The following CRPPA variants were observed in gnomAD, a reference collection of about 807,000 sequenced individuals.
CRPPA encodes D-ribitol-5-phosphate cytidylyltransferase.
A neutral mutation model predicts 52.0 loss-of-function variants in CRPPA; 43 were observed. That is an observed-to-expected ratio of 0.83 (90% confidence interval 0.65 to 1.07). The LOEUF (loss-of-function observed/expected upper bound fraction) is 1.07, where lower values mean the gene tolerates loss of function less well. Among genes scored for constraint, CRPPA ranks in the 50% least tolerant of loss-of-function variants. The pLI is 0.00. For missense variants in CRPPA, 629 were observed against 551.7 expected (o/e 1.14, Z -1.40); for synonymous variants, 250 against 203.5 (o/e 1.23, Z -1.94).
In CRPPA at chr7:16,216,041, T is replaced by G. The variant is rs775581813; in HGVS notation, c.1251+25A>C. The G allele has an allele frequency of 7.8e-6, 12 of 1,546,154 alleles. No homozygotes were observed. In the East Asian group the frequency reaches 2.3e-4, roughly 29 times the overall value. The stretch of plus-strand genomic sequence containing the variant: ...TTAAAACTAGTCTACAGAACATACA[T>G]TCGGAAGATAAACATTTTACCTACC... On this transcript the variant is annotated intron_variant, in intron 9 of 9. Transcript: ENST00000407010.
intron 9 of CRPPA, among the ~76,000 whole-genome samples, chr7:16,194,685 G>A (rs1038355673): frequency 6.6e-6 from 1 of 152,074 alleles, no homozygotes; most frequent in Non-Finnish European, 1.5e-5. Context: ...TTGAATTGCA[G>A]TGTATAAATT....
At chr7:16,327,042 G>C (rs964988779) in intron 3 of CRPPA, among the ~76,000 whole-genome samples, 5 of 152,104 alleles carry the variant, frequency 3.3e-5, no homozygotes, top group Admixed American at 1.3e-4. Context: ...AGTAAGACAT[G>C]CTAGCTCGTT....
chr7:16,385,513 C>G (rs1787237486), intron 2 of CRPPA, among the ~76,000 whole-genome samples: 1 of 152,140 alleles, frequency 6.6e-6, no homozygotes, highest in Non-Finnish European at 1.5e-5. Flanking sequence ...AAAAATATCT[C>G]ATATCCAGCA....
At chr7:16,201,697 G>C (rs1188074885) in intron 9 of CRPPA, among the ~76,000 whole-genome samples, 1 of 152,134 alleles carries the variant, frequency 6.6e-6, no homozygotes, top group Admixed American at 6.5e-5. Context: ...CTGAGCTGCA[G>C]GGCAGTGGGA....
chr7:16,219,258 C>A (rs1446242944), intron 8 of CRPPA, among the ~76,000 whole-genome samples: 1 of 150,708 alleles, frequency 6.6e-6, no homozygotes, highest in African/African-American at 2.4e-5. Flanking sequence ...AACAAAGACA[C>A]AACATACCAG....
chr7:16,224,791 A>T (rs1214176033), intron 8 of CRPPA, among the ~76,000 whole-genome samples: 2 of 152,164 alleles, frequency 1.3e-5, no homozygotes, highest in Non-Finnish European at 2.9e-5. Context: ...AGATTTTAGA[A>T]AAACTATCTT....
At chr7:16,264,522 A>G (rs1453354941) in intron 6 of CRPPA, among the ~76,000 whole-genome samples, 1 of 152,204 alleles carries the variant, frequency 6.6e-6, no homozygotes, top group Non-Finnish European at 1.5e-5. Context: ...TTGTCAAAAA[A>G]GTTTTCATCT....
At chr7:16,280,441 CT>C (rs1195082117) in intron 5 of CRPPA, among the ~76,000 whole-genome samples, 1 of 152,152 alleles carries the variant, frequency 6.6e-6, no homozygotes, top group Non-Finnish European at 1.5e-5. Context: ...CTGAAAGCTC[CT>C]CATGAAAACA....
At chr7:16,329,049 C>G (rs904981507) in intron 3 of CRPPA, among the ~76,000 whole-genome samples, 2 of 152,118 alleles carry the variant, frequency 1.3e-5, no homozygotes, top group African/African-American at 4.8e-5. Flanking sequence ...ATTCATGAAA[C>G]TAGAAATCTT....
intron 4 of CRPPA, among the ~76,000 whole-genome samples, chr7:16,304,205 G>A (rs1784855833): frequency 1.3e-5 from 2 of 151,994 alleles, no homozygotes; most frequent in Admixed American, 1.3e-4. Flanking sequence ...ACTACTCCAG[G>A]AAAGCATGAC....
At chr7:16,118,881 C>T (rs1161208195) in intron 9 of CRPPA, among the ~76,000 whole-genome samples, 2 of 152,102 alleles carry the variant, frequency 1.3e-5, no homozygotes, top group Admixed American at 6.6e-5. Flanking sequence ...TTTAGGGATA[C>T]GAAGCCTGGG....
chr7:16,248,226 C>G (rs1483290786), intron 8 of CRPPA: 2 of 152,130 alleles, frequency 1.3e-5, no homozygotes, highest in Non-Finnish European at 2.9e-5. Flanking sequence ...GTAGCCTCAG[C>G]TACTCAAGTG....
intron 2 of CRPPA, among the ~76,000 whole-genome samples, chr7:16,383,367 G>A (rs1787165088): frequency 6.6e-6 from 1 of 152,192 alleles, no homozygotes; most frequent in Non-Finnish European, 1.5e-5. Context: ...TGTCTCAGAG[G>A]AGTACCCGGC....
intron 6 of CRPPA, among the ~76,000 whole-genome samples, chr7:16,271,881 G>A (rs1452463829): frequency 6.6e-6 from 1 of 152,070 alleles, no homozygotes; most frequent in Non-Finnish European, 1.5e-5. Flanking sequence ...TCAACTCCCT[G>A]TATCTAGTGA....
chr7:16,316,582 C>A (rs939309114), intron 3 of CRPPA, among the ~76,000 whole-genome samples: 10 of 152,058 alleles, frequency 6.6e-5, no homozygotes. Context: ...AAACAACTGG[C>A]CAGATGTGGT....
chr7:16,205,794 G>GAA (rs5882561), intron 9 of CRPPA, among the ~76,000 whole-genome samples: 12 of 140,018 alleles, frequency 8.6e-5, no homozygotes, highest in Non-Finnish European at 9.4e-5. Flanking sequence ...AACTATAAAA[G>GAA]AAAAAAAAAA....
intron 5 of CRPPA, among the ~76,000 whole-genome samples, chr7:16,281,797 T>G (rs1210829495): frequency 6.6e-6 from 1 of 152,234 alleles, no homozygotes; most frequent in African/African-American, 2.4e-5. Context: ...CTCTATTTTC[T>G]GTCTCAGGTT....
intron 5 of CRPPA, among the ~76,000 whole-genome samples, chr7:16,280,144 T>C (rs1347063685): frequency 6.6e-6 from 1 of 152,152 alleles, no homozygotes; most frequent in Non-Finnish European, 1.5e-5. Context: ...CCACAACACA[T>C]GAGAATTCAA....
At chr7:16,199,685 A>T (rs182539441) in intron 9 of CRPPA, among the ~76,000 whole-genome samples, 186 of 152,120 alleles carry the variant, frequency 1.2e-3, no homozygotes, top group Non-Finnish European at 2.0e-3. Context: ...TTCAGTAAAG[A>T]ATTTTCTCTC....
Sources: allele counts gnomAD v4.1 joint callset (sites outside exome capture counted in the v4.1 genomes callset), GRCh38; gene constraint gnomAD v4.1.1; transcripts MANE v1.5; gene names NCBI Gene and HGNC (gene_info 2026-07-23, HGNC 2026-07-21).